SLC9A9: variants seen among roughly 807,000 people sequenced by gnomAD.
The protein encoded by SLC9A9 is solute carrier family 9 member A9, also known as sodium/hydrogen exchanger 9.
A neutral mutation model predicts 77.8 loss-of-function variants in SLC9A9; 62 were observed. That is an observed-to-expected ratio of 0.80 (90% CI 0.65 to 0.98). The LOEUF is 0.98. Among genes scored for constraint, SLC9A9 ranks in the 50% least tolerant of loss-of-function variants. SLC9A9 has a pLI of 0.00. For missense variants in SLC9A9, 775 were observed against 774.9 expected, an observed-to-expected ratio of 1.00 and a Z score of 0.00; for synonymous variants, 320 against 283.5, an observed-to-expected ratio of 1.13 and a Z score of -1.29.
intron 5 of SLC9A9, among the ~76,000 whole-genome samples, chr3:143,680,865 CA>C (rs1933066063): frequency 6.6e-6 from 1 of 152,092 alleles, no homozygotes; most frequent in African/African-American, 2.4e-5. Flanking sequence ...TGAACTACAT[CA>C]ATAAGTTCCC....
At chr3:143,532,803 A>G (rs1052003883) in intron 9 of SLC9A9, among the ~76,000 whole-genome samples, 2 of 152,176 alleles carry the variant, frequency 1.3e-5, no homozygotes, top group South Asian at 4.1e-4. Context: ...TAGGGATGCT[A>G]GGGCCCTTCA....
At chr3:143,713,938 G>T (rs1198775553) in intron 4 of SLC9A9, among the ~76,000 whole-genome samples, 1 of 152,136 alleles carries the variant, frequency 6.6e-6, no homozygotes, top group Non-Finnish European at 1.5e-5. Flanking sequence ...ATTTTAAAAA[G>T]GTTGACAGCA....
intron 12 of SLC9A9, among the ~76,000 whole-genome samples, chr3:143,436,941 A>G (rs2034631799): frequency 6.6e-6 from 1 of 151,922 alleles, no homozygotes; most frequent in African/African-American, 2.4e-5. Flanking sequence ...GCCTTCCCTC[A>G]CTCCCTGGAT....
rs557377367 is a variant in SLC9A9 at position 143,730,199 on chromosome 3, C to T, written c.534-36892G>A. Among the ~76,000 whole-genome samples, 23 of 152,302 alleles carry T rather than the reference C, an allele frequency of 1.5e-4. 1 individual carries two copies. The South Asian group carries it at 4.8e-3, about 32-fold the overall frequency. On this transcript the variant is annotated intron_variant, in intron 4 of 15. Coordinates refer to ENST00000316549, the MANE Select transcript of SLC9A9 (RefSeq NM_173653.4). ...TCAGGGAGTGTGCCCACTTGTTGGG[C>T]CCCTTTGAAAGCGTGGTATTTTGGG...
chr3:143,492,866 T>C (rs2035772524), intron 11 of SLC9A9, among the ~76,000 whole-genome samples: 1 of 152,216 alleles, frequency 6.6e-6, no homozygotes, highest in South Asian at 2.1e-4. Context: ...TCTGAGTACA[T>C]TGTAAGTGTA....
At chr3:143,570,810 A>G (rs1471168546) in intron 8 of SLC9A9, among the ~76,000 whole-genome samples, 2 of 152,174 alleles carry the variant, frequency 1.3e-5, no homozygotes, top group Admixed American at 1.3e-4. Flanking sequence ...ATATATATAT[A>G]GTTAGCTTGA....
intron 6 of SLC9A9, among the ~76,000 whole-genome samples, chr3:143,637,387 A>G (rs1296475063): frequency 6.6e-6 from 1 of 152,254 alleles, no homozygotes; most frequent in Non-Finnish European, 1.5e-5. Context: ...AAAATTTCAA[A>G]GCTTGACTAC....
chr3:143,617,101 C>CTA (rs1449129480), intron 6 of SLC9A9, among the ~76,000 whole-genome samples: 1 of 152,084 alleles, frequency 6.6e-6, no homozygotes, highest in Non-Finnish European at 1.5e-5. Flanking sequence ...TGATGGATGC[C>CTA]TAGGGAATGA....
intron 2 of SLC9A9, among the ~76,000 whole-genome samples, chr3:143,802,809 CT>C (rs966265397): frequency 3.3e-5 from 5 of 152,282 alleles, no homozygotes; most frequent in Admixed American, 3.3e-4. Flanking sequence ...ACTTTTACCT[CT>C]TGCCCTTCTC....
intron 2 of SLC9A9, among the ~76,000 whole-genome samples, chr3:143,817,143 T>A (rs200626779): frequency 6.0e-5 from 6 of 99,798 alleles, no homozygotes; most frequent in East Asian, 3.3e-4. Context: ...ATTTTTTTTT[T>A]TATTTTTTTT....
chr3:143,594,463 A>G (rs554953266), intron 6 of SLC9A9, among the ~76,000 whole-genome samples: 1 of 152,250 alleles, frequency 6.6e-6, no homozygotes, highest in African/African-American at 2.4e-5. Context: ...ACATATCACT[A>G]GAGGAAATTG....
intron 12 of SLC9A9, among the ~76,000 whole-genome samples, chr3:143,390,770 A>C (rs2033543245): frequency 1.3e-5 from 2 of 152,166 alleles, no homozygotes; most frequent in Non-Finnish European, 2.9e-5. Context: ...CACTTTTCCA[A>C]TGGTCTTAGC....
chr3:143,686,456 G>A (rs193117444), intron 5 of SLC9A9, among the ~76,000 whole-genome samples: 367 of 152,222 alleles, frequency 2.4e-3, no homozygotes, highest in Non-Finnish European at 3.9e-3. Flanking sequence ...GGGCAAGGGG[G>A]TGCAGTATTT....
chr3:143,464,043 T>A (rs2035241007), intron 12 of SLC9A9, among the ~76,000 whole-genome samples: 1 of 152,156 alleles, frequency 6.6e-6, no homozygotes, highest in Non-Finnish European at 1.5e-5. Flanking sequence ...TCAAATAATT[T>A]CAGAGAAAAA....
intron 6 of SLC9A9, among the ~76,000 whole-genome samples, chr3:143,648,940 GA>G (rs2038751221): frequency 1.3e-5 from 2 of 152,190 alleles, no homozygotes; most frequent in Admixed American, 1.3e-4. Context: ...GTTGAGCGAA[GA>G]AAGATTCCTG....
chr3:143,562,078 G>T (rs1026444908), intron 8 of SLC9A9, among the ~76,000 whole-genome samples: 2 of 152,154 alleles, frequency 1.3e-5, no homozygotes, highest in Non-Finnish European at 2.9e-5. Context: ...TCACTCAATT[G>T]CTAGTTATCT....
At chr3:143,408,643 C>T (rs2034032558) in intron 12 of SLC9A9, among the ~76,000 whole-genome samples, 1 of 152,152 alleles carries the variant, frequency 6.6e-6, no homozygotes, top group Non-Finnish European at 1.5e-5. Flanking sequence ...TCCACCCCTC[C>T]AAATCTGAAA....
rs913409879 is a variant in SLC9A9, at chr3:143,645,137, G to A, written c.755+7118C>T. Among the ~76,000 whole-genome samples the A allele has an allele frequency of 8.5e-5, 13 of 152,188 alleles. No homozygotes were observed. In the East Asian group the frequency reaches 1.7e-3, roughly 20 times the overall value. Reference sequence around the variant, plus strand: ...GTTTTAATGATTAGTATTATAAAACGTCTCCCCATCTGCTTCTGAAGGGGT... The same window carrying A: ...GTTTTAATGATTAGTATTATAAAACATCTCCCCATCTGCTTCTGAAGGGGT... On this transcript the variant is annotated intron_variant, in intron 6 of 15. Coordinates refer to ENST00000316549, the MANE Select transcript of SLC9A9 (RefSeq NM_173653.4).
intron 14 of SLC9A9, among the ~76,000 whole-genome samples, chr3:143,353,021 T>A (rs1576443540): frequency 6.6e-6 from 1 of 152,328 alleles, no homozygotes; most frequent in East Asian, 1.9e-4. Context: ...GTGCACATGA[T>A]AATTCCCTGG....
Sources: allele counts gnomAD v4.1 joint callset (sites outside exome capture counted in the v4.1 genomes callset), GRCh38; gene constraint gnomAD v4.1.1; transcripts MANE v1.5; gene names NCBI Gene and HGNC (gene_info 2026-07-23, HGNC 2026-07-21).